Variants in IQCM observed in about 807,000 individuals in gnomAD.
The protein encoded by IQCM is IQ motif containing M.
Under a neutral mutation model 57.6 loss-of-function variants are expected in IQCM, and 45 were observed. The observed-to-expected ratio is 0.78, with a 90% CI of 0.62 to 1.00. The LOEUF is 1.00. Among genes scored for constraint, IQCM ranks in the 50% least tolerant of loss-of-function variants. IQCM has a pLI of 0.00. For missense variants in IQCM, 468 were observed against 511.6 expected, an observed-to-expected ratio of 0.91 and a Z score of 0.82; for synonymous variants, 148 against 158.9, an observed-to-expected ratio of 0.93 and a Z score of 0.51.
chr4:149,556,374 A>G (rs758252539), intron 10 of IQCM, among the ~76,000 whole-genome samples: 5 of 151,584 alleles, frequency 3.3e-5, no homozygotes, highest in Non-Finnish European at 7.4e-5. Flanking sequence ...GTAGGACTTA[A>G]TTTCTGTTAG....
chr4:149,509,836 C>T (rs1744217835), intron 12 of IQCM, among the ~76,000 whole-genome samples: 1 of 151,918 alleles, frequency 6.6e-6, no homozygotes, highest in South Asian at 2.1e-4. Flanking sequence ...CTAATTCATC[C>T]ATAATGATTG....
chr4:149,713,037 A>C (rs1008392954), intron 5 of IQCM, among the ~76,000 whole-genome samples: 3 of 152,212 alleles, frequency 2.0e-5, no homozygotes, highest in Admixed American at 2.0e-4. Context: ...TCAGATGATT[A>C]ACAATCTAGA....
chr4:149,412,559 G>A (rs1733465252), intron 13 of IQCM, among the ~76,000 whole-genome samples: 1 of 152,068 alleles, frequency 6.6e-6, no homozygotes, highest in Non-Finnish European at 1.5e-5. Flanking sequence ...ACTATTTACT[G>A]AGCACTTGTG....
At chr4:149,407,549 A>G (rs1733073718) in intron 13 of IQCM, among the ~76,000 whole-genome samples, 1 of 151,932 alleles carries the variant, frequency 6.6e-6, no homozygotes, top group South Asian at 2.1e-4. Context: ...CTCCCACTTA[A>G]AAGTGGAAAC....
intron 7 of IQCM, among the ~76,000 whole-genome samples, chr4:149,671,975 T>A (rs775649658): frequency 6.6e-6 from 1 of 152,132 alleles, no homozygotes; most frequent in Non-Finnish European, 1.5e-5. Context: ...ATATTTGCTG[T>A]TCTACACCTC....
At chr4:149,465,360 T>C (rs1738745157) in intron 12 of IQCM, among the ~76,000 whole-genome samples, 1 of 152,144 alleles carries the variant, frequency 6.6e-6, no homozygotes, top group Non-Finnish European at 1.5e-5. Context: ...CACTAGACAG[T>C]GTTTCTCAAT....
intron 13 of IQCM, among the ~76,000 whole-genome samples, chr4:149,374,910 C>T (rs1029873409): frequency 3.3e-5 from 5 of 151,480 alleles, no homozygotes; most frequent in African/African-American, 4.9e-5. Context: ...TCAAGACATG[C>T]GTATAAAAAC....
chr4:149,430,935 C>T (rs796312960), intron 13 of IQCM, among the ~76,000 whole-genome samples: 2 of 151,590 alleles, frequency 1.3e-5, no homozygotes, highest in African/African-American at 4.8e-5. Flanking sequence ...CGCAGTAGCT[C>T]ATGCCTGTAA....
At chr4:149,511,592 G>T (rs1328318236) in intron 12 of IQCM, among the ~76,000 whole-genome samples, 2 of 151,792 alleles carry the variant, frequency 1.3e-5, no homozygotes, top group African/African-American at 2.4e-5. Context: ...TTAAAAAAAT[G>T]TATTTCGTGA....
At chr4:149,657,996 T>A (rs186139954) in intron 7 of IQCM, among the ~76,000 whole-genome samples, 1 of 152,218 alleles carries the variant, frequency 6.6e-6, no homozygotes, top group African/African-American at 2.4e-5. Flanking sequence ...TGTTTTGTTT[T>A]GCTGTGGAAA....
chr4:149,383,668 C>T (rs1298588701), intron 13 of IQCM, among the ~76,000 whole-genome samples: 1 of 151,990 alleles, frequency 6.6e-6, no homozygotes, highest in Non-Finnish European at 1.5e-5. Flanking sequence ...TATTCGAGAG[C>T]ATAAGCCGTG....
intron 7 of IQCM, among the ~76,000 whole-genome samples, chr4:149,672,021 G>A (rs1761335878): frequency 6.6e-6 from 1 of 152,090 alleles, no homozygotes; most frequent in Non-Finnish European, 1.5e-5. Context: ...GTCTAGAGTG[G>A]ACCTCCAGCA....
chr4:149,517,514 G>A (rs1745104401), intron 12 of IQCM, among the ~76,000 whole-genome samples: 2 of 152,300 alleles, frequency 1.3e-5, no homozygotes, highest in South Asian at 2.1e-4. Context: ...TGAAGATTAT[G>A]TATGATCTCA....
chr4:149,424,090 G>A (rs1321580307), intron 13 of IQCM, among the ~76,000 whole-genome samples: 1 of 151,928 alleles, frequency 6.6e-6, no homozygotes, highest in Non-Finnish European at 1.5e-5. Context: ...ACTATGGGCT[G>A]AGAATTACAG....
At chr4:149,719,794 A>T (rs1765298662) in intron 5 of IQCM, among the ~76,000 whole-genome samples, 1 of 152,212 alleles carries the variant, frequency 6.6e-6, no homozygotes, top group African/African-American at 2.4e-5. Flanking sequence ...CTATGCCTGA[A>T]TCACAAGCCC....
intron 5 of IQCM, among the ~76,000 whole-genome samples, chr4:149,721,659 T>C (rs1765460722): frequency 6.6e-6 from 1 of 152,178 alleles, no homozygotes; most frequent in South Asian, 2.1e-4. Context: ...TTTCATGGTA[T>C]AAATATACCA....
chr4:149,739,208 C>T (rs1437342023), intron 3 of IQCM, among the ~76,000 whole-genome samples: 1 of 151,974 alleles, frequency 6.6e-6, no homozygotes, highest in Non-Finnish European at 1.5e-5. Context: ...AGCTCTTATT[C>T]CTGAGTCACA....
chr4:149,652,551 A>C (rs1194580229), intron 7 of IQCM, among the ~76,000 whole-genome samples: 1 of 152,122 alleles, frequency 6.6e-6, no homozygotes, highest in Non-Finnish European at 1.5e-5. Context: ...CAAACCAACA[A>C]AAAGGATATA....
intron 12 of IQCM, among the ~76,000 whole-genome samples, chr4:149,507,159 G>GT (rs1235960649): frequency 6.6e-6 from 1 of 152,170 alleles, no homozygotes; most frequent in Non-Finnish European, 1.5e-5. Context: ...ATGTGGAATT[G>GT]TAAGTCCAAT....
Sources: gnomAD v4.1 joint callset for allele counts (sites outside exome capture counted in the v4.1 genomes callset) on GRCh38, gnomAD v4.1.1 for gene constraint, MANE v1.5 for transcripts, NCBI Gene and HGNC (gene_info 2026-07-23, HGNC 2026-07-21) for gene names.